The following ADCY9 variants were observed in gnomAD, a reference collection of about 807,000 sequenced individuals.
ADCY9 encodes the protein adenylate cyclase type 9.
Under a neutral mutation model 101.5 loss-of-function variants are expected in ADCY9, and 50 were observed. The ratio of observed to expected loss-of-function variants is 0.49; its 90% CI spans 0.39 to 0.62. The LOEUF is 0.62. ADCY9 is among the 20% of genes least tolerant of loss of function. The pLI, the probability that ADCY9 is intolerant of heterozygous loss-of-function variation, is 0.00. For synonymous variants in ADCY9, 905 were observed against 769.3 expected (o/e 1.18, Z -2.92); for missense variants, 1,662 against 1,800.4 (o/e 0.92, Z 1.39).
At chr16:4,046,248 C>T (rs1379728561) in intron 2 of ADCY9, among the ~76,000 whole-genome samples, 2 of 151,948 alleles carry the variant, frequency 1.3e-5, no homozygotes, top group Non-Finnish European at 2.9e-5. Flanking sequence ...CACTGAACCA[C>T]GGCACACAGT....
intron 2 of ADCY9, among the ~76,000 whole-genome samples, chr16:4,014,832 T>G (rs1409461020): frequency 6.6e-6 from 1 of 151,734 alleles, no homozygotes; most frequent in African/African-American, 2.4e-5. Flanking sequence ...ACAGGTACCT[T>G]CTATACCCAG....
At chr16:4,097,301 G>C (rs889008689) in intron 2 of ADCY9, among the ~76,000 whole-genome samples, 7 of 151,564 alleles carry the variant, frequency 4.6e-5, no homozygotes, top group Admixed American at 2.6e-4. Flanking sequence ...ACCTTTGCTA[G>C]AGCCTATCAA....
chr16:4,081,357 C>A (rs906795661), intron 2 of ADCY9, among the ~76,000 whole-genome samples: 4 of 152,242 alleles, frequency 2.6e-5, no homozygotes, highest in African/African-American at 9.6e-5. Flanking sequence ...GGCTCCATGG[C>A]TCCCTGACTC....
intron 6 of ADCY9, among the ~76,000 whole-genome samples, chr16:3,986,878 G>C (rs143311082): frequency 1.8e-4 from 27 of 152,332 alleles, no homozygotes; most frequent in Admixed American, 7.2e-4. Context: ...TTACAGGTGT[G>C]AGCTGTGTGA....
intron 3 of ADCY9, among the ~76,000 whole-genome samples, chr16:4,002,727 CT>C (rs777603462): frequency 5.3e-5 from 8 of 152,144 alleles, no homozygotes; most frequent in Non-Finnish European, 1.0e-4. Flanking sequence ...GTTTTCTTTT[CT>C]TTTCGAGATG....
intron 3 of ADCY9, 74 bp downstream of exon 3, chr16:4,007,294 T>C: frequency 7.4e-7 from 1 of 1,355,574 alleles, no homozygotes; most frequent in Non-Finnish European, 9.8e-7. Context: ...GGAGGCTGCT[T>C]ATTATTTCAC....
At chr16:3,973,319 T>C (rs1044947944) in intron 10 of ADCY9, among the ~76,000 whole-genome samples, 2 of 152,184 alleles carry the variant, frequency 1.3e-5, no homozygotes, top group African/African-American at 2.4e-5. Context: ...GCAATTCTCC[T>C]GCCTCAGCCT....
At chr16:4,031,381 A>G (rs1473312784) in intron 2 of ADCY9, among the ~76,000 whole-genome samples, 2 of 152,194 alleles carry the variant, frequency 1.3e-5, no homozygotes, top group African/African-American at 2.4e-5. Flanking sequence ...ATGCACATAC[A>G]TATGTGTGTA....
intron 2 of ADCY9, among the ~76,000 whole-genome samples, chr16:4,011,369 C>T (rs894051947): frequency 4.6e-5 from 7 of 151,926 alleles, no homozygotes; most frequent in Non-Finnish European, 8.8e-5. Flanking sequence ...TCTGGGGCCA[C>T]GGGCAGCAGG....
chr16:4,008,684 G>A (rs1031778330), intron 2 of ADCY9, among the ~76,000 whole-genome samples: 20 of 151,824 alleles, frequency 1.3e-4, no homozygotes, highest in Admixed American at 4.6e-4. Flanking sequence ...CAATTCTCCT[G>A]ACTCAGCCTG....
intron 3 of ADCY9, among the ~76,000 whole-genome samples, chr16:3,994,025 C>T (rs529936864): frequency 1.7e-4 from 26 of 152,190 alleles, no homozygotes; most frequent in African/African-American, 5.5e-4. Flanking sequence ...GGGTTTGCTA[C>T]GATTCGAATG....
intron 2 of ADCY9, among the ~76,000 whole-genome samples, chr16:4,080,571 T>C (rs2056895396): frequency 6.6e-6 from 1 of 152,102 alleles, no homozygotes; most frequent in African/African-American, 2.4e-5. Flanking sequence ...ACGGAAGAAA[T>C]TTTTCTAATA....
intron 8 of ADCY9, among the ~76,000 whole-genome samples, chr16:3,978,771 G>C (rs1275309779): frequency 6.6e-6 from 1 of 152,202 alleles, no homozygotes; most frequent in Non-Finnish European, 1.5e-5. Context: ...CCAGGCTGCA[G>C]TGTGGTGGTG....
intron 2 of ADCY9, among the ~76,000 whole-genome samples, chr16:4,078,993 A>G (rs1033088998): frequency 2.4e-4 from 37 of 152,216 alleles, no homozygotes; most frequent in South Asian, 2.1e-4. Context: ...AATTGACAAT[A>G]TTATATTTCA....
At chr16:4,019,648 A>G (rs2056461605) in intron 2 of ADCY9, among the ~76,000 whole-genome samples, 1 of 152,218 alleles carries the variant, frequency 6.6e-6, no homozygotes, top group Admixed American at 6.5e-5. Flanking sequence ...CTTATGGCAG[A>G]AAGCTGAGCT....
At chr16:4,112,019 G>C (rs987573737) in intron 2 of ADCY9, among the ~76,000 whole-genome samples, 1 of 152,098 alleles carries the variant, frequency 6.6e-6, no homozygotes, top group Admixed American at 6.5e-5. Context: ...ACAAAGTACA[G>C]CTTACAAAAC....
intron 2 of ADCY9, among the ~76,000 whole-genome samples, chr16:4,111,792 T>C (rs2532004): frequency 0.61 from 91,471 of 148,848 alleles, 28,572 homozygotes; most frequent in South Asian, 0.73. Context: ...GAAAAGTTAA[T>C]TTACCAAATT....
At chr16:4,061,091 C>A (rs1323936223) in intron 2 of ADCY9, among the ~76,000 whole-genome samples, 3 of 151,900 alleles carry the variant, frequency 2.0e-5, no homozygotes, top group African/African-American at 7.2e-5. Context: ...ATGAAAAGTT[C>A]ACTAGAGGGG....
chr16:4,064,030 T>C (rs971138683), intron 2 of ADCY9, among the ~76,000 whole-genome samples: 1 of 152,148 alleles, frequency 6.6e-6, no homozygotes, highest in Admixed American at 6.5e-5. Context: ...GCTCTATATA[T>C]AGAAAATCTT....
Sources: gnomAD v4.1 joint callset for allele counts (sites outside exome capture counted in the v4.1 genomes callset) on GRCh38, gnomAD v4.1.1 for gene constraint, MANE v1.5 for transcripts, NCBI Gene and HGNC (gene_info 2026-07-23, HGNC 2026-07-21) for gene names.